The following PITPNM2 variants were observed in gnomAD, a reference collection of about 807,000 sequenced individuals.
PITPNM2 encodes the protein phosphatidylinositol transfer protein membrane associated 2, also known as membrane-associated phosphatidylinositol transfer protein 2.
PITPNM2 carries 35 observed loss-of-function variants against 132.2 expected under a neutral mutation model. That is an observed-to-expected ratio of 0.26 (90% CI 0.20 to 0.35). The LOEUF (loss-of-function observed/expected upper bound fraction) is 0.35, where lower values mean the gene tolerates loss of function less well. Ranked by LOEUF, PITPNM2 falls within the 10% of genes least tolerant of loss-of-function variation. The probability of loss-of-function intolerance (pLI) is 1.00; values close to 1 mark genes in which losing one functional copy is unlikely to be tolerated. For missense variants in PITPNM2, 1,332 were observed against 1,912.0 expected (o/e 0.70, Z 5.66); for synonymous variants, 738 against 799.2 (o/e 0.92, Z 1.29).
At chr12:123,067,861 C>A (rs1183984371) in intron 2 of PITPNM2, among the ~76,000 whole-genome samples, 1 of 152,172 alleles carries the variant, frequency 6.6e-6, no homozygotes, top group African/African-American at 2.4e-5. Flanking sequence ...GCTCCGGGCA[C>A]CCTGCAGGAG....
At chr12:123,075,289 A>T (rs1230037053) in intron 2 of PITPNM2, among the ~76,000 whole-genome samples, 2 of 152,246 alleles carry the variant, frequency 1.3e-5, no homozygotes, top group African/African-American at 4.8e-5. Flanking sequence ...GTCATCATGC[A>T]ACACCACCAA....
At chr12:123,104,598 G>A (rs111987234) in intron 2 of PITPNM2, among the ~76,000 whole-genome samples, 6,428 of 151,482 alleles carry the variant, frequency 0.042, 445 homozygotes, top group African/African-American at 0.15. Flanking sequence ...AGCACCTTGC[G>A]ACCCCCACTC....
chr12:123,085,435 ACT>A (rs2042084992), intron 2 of PITPNM2, among the ~76,000 whole-genome samples: 1 of 152,200 alleles, frequency 6.6e-6, no homozygotes, highest in African/African-American at 2.4e-5. Context: ...ATATTGCAAG[ACT>A]CTGTTCCTAT....
chr12:123,024,789 T>C (rs2039794033), intron 3 of PITPNM2, among the ~76,000 whole-genome samples: 1 of 152,150 alleles, frequency 6.6e-6, no homozygotes, highest in African/African-American at 2.4e-5. Flanking sequence ...GATTTCTTTT[T>C]TGGGGTAATA....
At chr12:123,103,029 T>C (rs2042603229) in intron 2 of PITPNM2, among the ~76,000 whole-genome samples, 1 of 152,148 alleles carries the variant, frequency 6.6e-6, no homozygotes, top group African/African-American at 2.4e-5. Context: ...CCTAAAGCAA[T>C]CCTCCCACCT....
At chr12:123,141,308 A>G (rs923426960) in intron 1 of PITPNM2, among the ~76,000 whole-genome samples, 11 of 152,228 alleles carry the variant, frequency 7.2e-5, no homozygotes, top group African/African-American at 2.7e-4. Context: ...GTGAAGCACA[A>G]TGGGCAGAAG....
chr12:123,027,035 AG>A, intron 3 of PITPNM2, among the ~76,000 whole-genome samples: 2 of 152,292 alleles, frequency 1.3e-5, no homozygotes, highest in Admixed American at 1.3e-4. Flanking sequence ...ACTGGTCACC[AG>A]TGGGGTGAGT....
chr12:123,085,700 C>G (rs1227780924), intron 2 of PITPNM2, among the ~76,000 whole-genome samples: 1 of 151,990 alleles, frequency 6.6e-6, no homozygotes, highest in African/African-American at 2.4e-5. Context: ...AAAAAAAATA[C>G]AAGGAGAAAA....
intron 3 of PITPNM2, among the ~76,000 whole-genome samples, chr12:123,015,271 C>T (rs913227702): frequency 7.2e-5 from 11 of 152,310 alleles, no homozygotes; most frequent in African/African-American, 2.6e-4. Flanking sequence ...AGGACTCACA[C>T]TTCCCTATAT....
rs760769308 is a variant in PITPNM2, at chr12:123,004,871, C to T, written c.952+369G>A. Among the ~76,000 whole-genome samples, 14 of 152,166 alleles carry T rather than the reference C, an allele frequency of 9.2e-5. No individual in the cohort carries two copies. Among genetic ancestry groups the T allele is most frequent in the Non-Finnish European group, 1.6e-4 (11 of 68,020 alleles). On this transcript the variant is annotated intron_variant, in intron 7 of 25. Transcript: ENST00000320201. The surrounding 1 kb of genome is among the most constrained non-coding windows in gnomAD (Gnocchi z 4.9). ...GCGGGAGATGAGTGAGCCAGGCCTGCCTGCTGGAGAAGCTGGCTCCACCCA... is the reference window on the plus strand; with the variant it reads ...GCGGGAGATGAGTGAGCCAGGCCTGTCTGCTGGAGAAGCTGGCTCCACCCA...
rs1164759789 is a variant in PITPNM2, at chr12:123,004,076, C to T, written c.1048+318G>A. On this transcript the variant is annotated intron_variant, in intron 8 of 25. Coordinates refer to ENST00000320201, the MANE Select transcript of PITPNM2 (RefSeq NM_020845.3). This position sits in a 1 kb window ranked among gnomAD's most constrained non-coding sequence, Gnocchi z 4.9. ...GCTTCCATGGAAATAAATTCACATA[C>T]GGAATAAAGCCCTAGTCTGATGGTG... 2.0e-5 allele frequency among the ~76,000 whole-genome samples: 3 copies of T among 152,140 alleles called. No individual in the cohort carries two copies. Among genetic ancestry groups the T allele is most frequent in the South Asian group, 2.1e-4 (1 of 4,818 alleles).
At chr12:123,066,604 G>C (rs1469863026) in intron 2 of PITPNM2, among the ~76,000 whole-genome samples, 1 of 152,086 alleles carries the variant, frequency 6.6e-6, no homozygotes, top group Non-Finnish European at 1.5e-5. Flanking sequence ...CTGTGAGAGG[G>C]GCTTAACCAC....
chr12:123,032,645 C>T lies in PITPNM2; in HGVS notation c.78+1868G>A, dbSNP rs921191066. Among the ~76,000 whole-genome samples the T allele has an allele frequency of 2.8e-4, 42 of 152,074 alleles. 1 individual carries two copies. Among genetic ancestry groups the T allele is most frequent in the Admixed American group, 2.2e-3 (33 of 15,270 alleles). On this transcript the variant is annotated intron_variant, in intron 3 of 25. Transcript: ENST00000320201. The stretch of plus-strand genomic sequence containing the variant: ...GGAGGCCAGGTGGAGCTGAGGGGCT[C>T]CTGTGGTCTGGGTTCACCCTGGCTT...
intron 2 of PITPNM2, chr12:123,089,206 C>G (rs1040161299): frequency 6.6e-6 from 1 of 152,176 alleles, no homozygotes; most frequent in African/African-American, 2.4e-5. Context: ...ATCCAGGCTG[C>G]GCAGCCCCGA....
chr12:122,990,462 C>G (rs1209991900), intron 17 of PITPNM2, 83 bp downstream of exon 17: 1 of 1,548,568 alleles, frequency 6.5e-7, no homozygotes, highest in African/African-American at 1.4e-5. Context: ...GCTAGAAATG[C>G]TCCTAGACAT....
chr12:123,007,310 C>T (rs987624374), intron 6 of PITPNM2: 2 of 455,952 alleles, frequency 4.4e-6, no homozygotes, highest in South Asian at 3.1e-5. Flanking sequence ...TTCATTGATT[C>T]CTTTTCCTGC....
At chr12:123,039,513 A>G (rs1321766669) in intron 2 of PITPNM2, among the ~76,000 whole-genome samples, 1 of 152,244 alleles carries the variant, frequency 6.6e-6, no homozygotes, top group Non-Finnish European at 1.5e-5. Context: ...CTCAACTTCC[A>G]TAGCATAGAA....
intron 1 of PITPNM2, among the ~76,000 whole-genome samples, chr12:123,116,822 A>C (rs1228612573): frequency 6.6e-6 from 1 of 152,136 alleles, no homozygotes; most frequent in East Asian, 1.9e-4. Context: ...CAGCAGCCCT[A>C]GCAGATACAG....
chr12:122,992,561 G>A lies in PITPNM2; in HGVS notation c.2342C>T (p.Pro781Leu), dbSNP rs529592824. 41 of 1,611,642 alleles carry A rather than the reference G, an allele frequency of 2.5e-5. No individual in the cohort carries two copies. Among genetic ancestry groups the A allele is most frequent in the Non-Finnish European group, 2.9e-5 (34 of 1,179,582 alleles). Reference protein sequence around the residue: ...PLLERRFHALPPFSVPRYQRY... With the variant: ...PLLERRFHALLPFSVPRYQRY... ...TTGGTAGCGGGGGACGCTGAAAGGC[G>A]GCAGGGCGTGAAAGCGCCGTTCCAG... Residue 781 changes from proline (P) to leucine (L), a missense_variant, in exon 16 of 26, where the codon CCG becomes CTG. Physicochemically the swap from Pro to Leu is moderately conservative, Grantham distance 98. Transcript: ENST00000320201. The surrounding 1 kb of genome is among the most constrained non-coding windows in gnomAD (Gnocchi z 6.5).
Sources: allele counts gnomAD v4.1 joint callset (sites outside exome capture counted in the v4.1 genomes callset), GRCh38; gene constraint gnomAD v4.1.1; non-coding constraint Gnocchi (gnomAD v3.1); transcripts MANE v1.5; gene names NCBI Gene and HGNC (gene_info 2026-07-23, HGNC 2026-07-21).